Variants in IPP observed in about 807,000 individuals in gnomAD.
IPP encodes the protein intracisternal A particle-promoted polypeptide, also known as actin-binding protein IPP.
In IPP, 41 loss-of-function variants were observed where a neutral mutation model predicts 64.1. That is an observed-to-expected ratio of 0.64 (90% confidence interval 0.50 to 0.83). The LOEUF is 0.83. Ranked by LOEUF, IPP falls within the 40% of genes least tolerant of loss-of-function variation. The pLI is 0.00. For synonymous variants in IPP, 214 were observed against 235.2 expected (o/e 0.91, Z 0.83); for missense variants, 649 against 703.0 (o/e 0.92, Z 0.87).
chr1:45,725,690 G>C (rs976468119), intron 5 of IPP, among the ~76,000 whole-genome samples: 232 of 132,546 alleles, frequency 1.8e-3, no homozygotes, highest in Middle Eastern at 3.9e-3. Flanking sequence ...GATGGTTGCC[G>C]GGTCTGTGTG....
intron 1 of IPP, among the ~76,000 whole-genome samples, chr1:45,749,525 G>GTT (rs779346516): frequency 3.8e-4 from 41 of 107,074 alleles, no homozygotes; most frequent in African/African-American, 7.5e-4. Flanking sequence ...TTTGTTTTTT[G>GTT]TTTTTTTTTT....
intron 8 of IPP, among the ~76,000 whole-genome samples, chr1:45,702,454 GTTA>G (rs1389668073): frequency 1.3e-5 from 2 of 152,152 alleles, no homozygotes; most frequent in South Asian, 2.1e-4. Context: ...TGTTGTTGTT[GTTA>G]TTATTATTAT....
intron 8 of IPP, among the ~76,000 whole-genome samples, chr1:45,701,347 G>A (rs969251155): frequency 3.9e-5 from 6 of 152,092 alleles, no homozygotes; most frequent in Admixed American, 1.3e-4. Flanking sequence ...GAGTGCAATG[G>A]TGTGATCTTG....
intron 1 of IPP, among the ~76,000 whole-genome samples, chr1:45,748,023 T>C (rs1646164606): frequency 6.6e-6 from 1 of 152,136 alleles, no homozygotes; most frequent in Non-Finnish European, 1.5e-5. Flanking sequence ...CATTTAAACT[T>C]ATCAAAGTCA....
chr1:45,694,567 A>G (rs1470437124), downstream of IPP: 1 of 985,722 alleles, frequency 1.0e-6, no homozygotes, highest in Admixed American at 2.0e-5. Flanking sequence ...ACCACTGGGA[A>G]AGGCATGTCC....
At chr1:45,747,855 A>C (rs1157934540) in intron 1 of IPP, among the ~76,000 whole-genome samples, 9 of 149,158 alleles carry the variant, frequency 6.0e-5, no homozygotes, top group South Asian at 2.1e-4. Flanking sequence ...AAAAAAAAAA[A>C]AAAAAAAAAA....
At chr1:45,698,709 T>TTTTTTTTC (rs1469566644), downstream of IPP, 1 of 739,148 alleles carries the variant, frequency 1.4e-6, no homozygotes. Flanking sequence ...AAGGAAGAAT[T>TTTTTTTTC]TTTTTTTCTT....
intron 2 of IPP, among the ~76,000 whole-genome samples, chr1:45,743,414 CA>C (rs34696589): frequency 7.4e-4 from 106 of 142,452 alleles, no homozygotes; most frequent in South Asian, 3.1e-3. Flanking sequence ...GACTCCGCCT[CA>C]AAAAAAAAAA....
In IPP at chr1:45,741,497, C is replaced by T. The variant is rs182727960; in HGVS notation, c.293-165G>A. Among the ~76,000 whole-genome samples, 11 of 152,170 alleles carry T rather than the reference C, an allele frequency of 7.2e-5. 1 individual carries two copies. In the South Asian group the frequency reaches 1.2e-3, roughly 17 times the overall value. On this transcript the variant is annotated intron_variant, in intron 2 of 8. Coordinates refer to ENST00000396478, the MANE Select transcript of IPP (RefSeq NM_005897.3). ...TTGAGTAAAGAGCACAAAATTTAAACGATAACGATACCTAACACATTTATG... is the reference window on the plus strand; with the variant it reads ...TTGAGTAAAGAGCACAAAATTTAAATGATAACGATACCTAACACATTTATG...
At chr1:45,737,042 C>CAAA (rs367755391) in intron 3 of IPP, among the ~76,000 whole-genome samples, 10 of 112,624 alleles carry the variant, frequency 8.9e-5, no homozygotes, top group Admixed American at 2.0e-4. Context: ...GACTCCATCT[C>CAAA]AAAAAAAAAA....
At chr1:45,746,980 G>T (rs961051557) in intron 1 of IPP, among the ~76,000 whole-genome samples, 3 of 152,228 alleles carry the variant, frequency 2.0e-5, no homozygotes, top group Middle Eastern at 3.4e-3. Context: ...TGCTCCTCTG[G>T]AATTGTGGAA....
intron 2 of IPP, among the ~76,000 whole-genome samples, chr1:45,744,161 T>A (rs1646103774): frequency 6.6e-6 from 1 of 152,186 alleles, no homozygotes; most frequent in Admixed American, 6.5e-5. Context: ...TTTTTCTCTC[T>A]CTCTTTTTGA....
intron 3 of IPP, among the ~76,000 whole-genome samples, chr1:45,732,071 C>T (rs576684624): frequency 6.6e-6 from 1 of 151,818 alleles, no homozygotes; most frequent in East Asian, 1.9e-4. Flanking sequence ...TTAAGAATGT[C>T]GCTCCTGGCC....
At chr1:45,728,125 GCTGT>G (rs1645856427) in intron 4 of IPP, among the ~76,000 whole-genome samples, 1 of 126,546 alleles carries the variant, frequency 7.9e-6, no homozygotes, top group Non-Finnish European at 1.7e-5. Context: ...TGAGTTGAAA[GCTGT>G]GTGTGTGTGT....
chr1:45,712,353 T>C (rs1015708029), intron 8 of IPP, among the ~76,000 whole-genome samples: 14 of 149,770 alleles, frequency 9.3e-5, no homozygotes, highest in Admixed American at 2.0e-4. Flanking sequence ...AACACCACAT[T>C]CAACAATAGC....
At chr1:45,740,337 G>C (rs1430330669) in intron 3 of IPP, among the ~76,000 whole-genome samples, 3 of 152,162 alleles carry the variant, frequency 2.0e-5, no homozygotes, top group Non-Finnish European at 4.4e-5. Flanking sequence ...GAGCTGTTGG[G>C]TACACCTCCC....
At chr1:45,724,598 C>T (rs184182741) in intron 5 of IPP, among the ~76,000 whole-genome samples, 35,734 of 142,160 alleles carry the variant, frequency 0.25, 2,514 homozygotes, top group South Asian at 0.32. Flanking sequence ...GGCCGCCCAT[C>T]GTCTGAGATG....
intron 3 of IPP, among the ~76,000 whole-genome samples, chr1:45,733,158 G>A (rs547643776): frequency 2.0e-5 from 3 of 151,960 alleles, no homozygotes; most frequent in Admixed American, 6.6e-5. Flanking sequence ...CAGGTGCAGC[G>A]GCTCACGCCT....
chr1:45,724,595 C>T lies in IPP; in HGVS notation c.1048+3036G>A, dbSNP rs1334492322. ...TGAGGAGCGTCTCTGCCCGGCCGCC[C>T]ATCGTCTGAGATGTGGGGAGCACCT... is the stretch of plus-strand genomic sequence containing the variant. On this transcript the variant is annotated intron_variant, in intron 5 of 8. Coordinates refer to ENST00000396478, the MANE Select transcript of IPP (RefSeq NM_005897.3). 4.0e-5 allele frequency among the ~76,000 whole-genome samples: 6 copies of T among 150,388 alleles called. No individual in the cohort carries two copies. In the South Asian group the frequency reaches 1.3e-3, roughly 32 times the overall value.
Sources: gnomAD v4.1 joint callset for allele counts (sites outside exome capture counted in the v4.1 genomes callset) on GRCh38, gnomAD v4.1.1 for gene constraint, MANE v1.5 for transcripts, NCBI Gene and HGNC (gene_info 2026-07-23, HGNC 2026-07-21) for gene names.